Variants in DDX6 observed in about 807,000 individuals in gnomAD.
DDX6 encodes the protein DEAD-box helicase 6.
DDX6 carries 7 observed loss-of-function variants against 60.6 expected under a neutral mutation model. The ratio of observed to expected loss-of-function variants is 0.12; its 90% CI spans 0.07 to 0.22. DDX6 has a LOEUF of 0.22. Ranked by LOEUF, DDX6 falls within the 10% of genes least tolerant of loss-of-function variation. The probability of loss-of-function intolerance (pLI) is 1.00; values close to 1 mark genes in which losing one functional copy is unlikely to be tolerated. For synonymous variants in DDX6, 207 were observed against 201.0 expected (o/e 1.03, Z -0.25); for missense variants, 270 against 589.9 (o/e 0.46, Z 5.62).
rs1357708563 is a variant in DDX6 at position 118,748,129 on chromosome 11, C to T, written c.*3976G>A. The T allele has an allele frequency of 6.6e-6, 1 of 152,096 alleles. No individual in the cohort carries two copies. The highest frequency in any genetic ancestry group is 2.1e-4 in the South Asian group (1 of 4,814). 9.4% of individuals were successfully genotyped at this position (152,096 alleles called of 1,614,324 possible). A position where few individuals can be genotyped will look rare whatever the true frequency, so the allele number is the denominator to read the frequency against. ...TGTTTTCTCCAGGCTCCCCTTCCCA[C>T]ACAACCAATGTAAAATACAGCAGCC... On this transcript the variant is annotated 3_prime_UTR_variant, in exon 14 of 14. Transcript: ENST00000534980.
chr11:118,754,494 C>G, intron 13 of DDX6: 3 of 462,768 alleles, frequency 6.5e-6, no homozygotes, highest in Non-Finnish European at 7.6e-6. Flanking sequence ...TACCACATTA[C>G]CCGGGAAGCT....
At chr11:118,785,539 G>C (rs1310990207) in intron 2 of DDX6, among the ~76,000 whole-genome samples, 2 of 150,622 alleles carry the variant, frequency 1.3e-5, no homozygotes, top group African/African-American at 4.9e-5. Flanking sequence ...AAAAAGCTAA[G>C]TTCCATAAGC....
chr11:118,776,403 C>A (rs529169514), intron 4 of DDX6, among the ~76,000 whole-genome samples: 1 of 152,054 alleles, frequency 6.6e-6, no homozygotes, highest in African/African-American at 2.4e-5. Context: ...TTAATCTGGG[C>A]AGTTCCCTAC....
Position 118,749,757 on chromosome 11 carries a change from C to T in DDX6, c.*2348G>A, listed in dbSNP as rs1432107336. 6.6e-6 allele frequency: 1 copy of T among 152,632 alleles called. No homozygotes were observed. The highest frequency in any genetic ancestry group is 1.5e-5 in the Non-Finnish European group (1 of 68,032). The allele number at this position is 152,632 out of a possible 1,614,324, so 9.5% of individuals were successfully genotyped here. A position where few individuals can be genotyped will look rare whatever the true frequency, so the allele number is the denominator to read the frequency against. ...AAAGAGAGCTGCATCGGTACAAGGG[C>T]ACAATTTTTTTGGTCAAAAGTTGAC... On this transcript the variant is annotated 3_prime_UTR_variant, in exon 14 of 14. Coordinates refer to ENST00000534980, the MANE Select transcript of DDX6 (RefSeq NM_004397.6).
intron 3 of DDX6, among the ~76,000 whole-genome samples, chr11:118,779,953 G>A (rs1555164331): frequency 1.3e-5 from 2 of 151,306 alleles, no homozygotes; most frequent in Non-Finnish European, 2.9e-5. Flanking sequence ...CCAACTCCAC[G>A]AAAAATACAA....
intron 6 of DDX6, among the ~76,000 whole-genome samples, chr11:118,763,988 G>C (rs1418407381): frequency 6.6e-6 from 1 of 152,036 alleles, no homozygotes; most frequent in Non-Finnish European, 1.5e-5. Flanking sequence ...CTCTACATTG[G>C]GTGGGGTACA....
intron 10 of DDX6, among the ~76,000 whole-genome samples, chr11:118,756,680 G>A (rs1860988967): frequency 6.6e-6 from 1 of 152,192 alleles, no homozygotes; most frequent in African/African-American, 2.4e-5. Flanking sequence ...ATCCAGAGCA[G>A]TGCTGTCCAG....
intron 4 of DDX6, among the ~76,000 whole-genome samples, chr11:118,771,798 T>C (rs374164783): frequency 2.0e-5 from 3 of 152,320 alleles, no homozygotes; most frequent in East Asian, 1.9e-4. Flanking sequence ...GCACATAACA[T>C]GTAGGCAAGA....
At chr11:118,774,916 G>C (rs1555163329) in intron 4 of DDX6, among the ~76,000 whole-genome samples, 1 of 152,156 alleles carries the variant, frequency 6.6e-6, no homozygotes, top group African/African-American at 2.4e-5. Flanking sequence ...AAAATAAAAC[G>C]AGAAGGTAGA....
chr11:118,786,172 G>T lies in DDX6; in HGVS notation c.80C>A (p.Pro27His), dbSNP rs992449697. The T allele has an allele frequency of 6.2e-6, 10 of 1,613,974 alleles. No homozygotes were observed. The highest frequency in any genetic ancestry group is 8.5e-6 in the Non-Finnish European group (10 of 1,179,886). Residue 27 changes from proline (P) to histidine (H), a missense_variant, in exon 2 of 14, where the codon CCC (proline) becomes CAC (histidine). Physicochemically the swap from Pro to His is moderately conservative, Grantham distance 77. Coordinates refer to ENST00000534980, the MANE Select transcript of DDX6 (RefSeq NM_004397.6). ...QNGQLRGPVK[P>H]TGGPGGGGTQ... ...GCCCCCTCCTCCAGGGCCACCAGTG[G>T]GTTTCACAGGGCCTCTCAGCTGACC...
chr11:118,786,310 C>G lies in DDX6; in HGVS notation c.-59G>C. On this transcript the variant is annotated 5_prime_UTR_variant, in exon 2 of 14. Coordinates refer to ENST00000534980, the MANE Select transcript of DDX6 (RefSeq NM_004397.6). ...AAACTTTTGAAAGTCAGTAGAGAAA[C>G]TGTAATAACAGTTTATTAGGCTCTC... 6.9e-7 allele frequency: 1 copy of G among 1,450,114 alleles called. No individual in the cohort carries two copies. Among genetic ancestry groups the G allele is most frequent in the Non-Finnish European group, 9.4e-7 (1 of 1,061,830 alleles). The allele number at this position is 1,450,114 out of a possible 1,614,324, so 89.8% of individuals were successfully genotyped here.
rs572175326 is a variant in DDX6, at chr11:118,767,985, A to C, written c.499+238T>G. On this transcript the variant is annotated intron_variant, in intron 5 of 13. Transcript: ENST00000534980. ...ATACTTATTTTTCCTGTCTCACTGG[A>C]ATGCTGTCACAAGTGTGTATCATAT... 7.4e-4 allele frequency: 290 copies of C among 391,222 alleles called. 4 individuals are homozygous for C. Among genetic ancestry groups the C allele is most frequent in the African/African-American group, 5.0e-3 (239 of 48,250 alleles). The allele number at this position is 391,222 out of a possible 1,614,324, so 24.2% of individuals were successfully genotyped here. A position where few individuals can be genotyped will look rare whatever the true frequency, so the allele number is the denominator to read the frequency against.
At chr11:118,760,822 T>C (rs1591892240) in intron 7 of DDX6, among the ~76,000 whole-genome samples, 1 of 56,064 alleles carries the variant, frequency 1.8e-5, no homozygotes. Context: ...CTACTCCGTC[T>C]CAAAAAAAAA....
intron 1 of DDX6, chr11:118,787,074 G>A (rs1862098654): frequency 6.6e-6 from 1 of 152,112 alleles, no homozygotes; most frequent in African/African-American, 2.4e-5. Flanking sequence ...TGGTGGCTCA[G>A]GCCTGTAATC....
At chr11:118,785,481 C>T (rs934743478) in intron 2 of DDX6, among the ~76,000 whole-genome samples, 4 of 151,432 alleles carry the variant, frequency 2.6e-5, no homozygotes, top group Non-Finnish European at 4.4e-5. Context: ...ACAGGGATTA[C>T]AGGCATGAGT....
chr11:118,765,558 T>C (rs1267367146), intron 5 of DDX6, among the ~76,000 whole-genome samples: 3 of 152,116 alleles, frequency 2.0e-5, no homozygotes, highest in African/African-American at 7.2e-5. Context: ...GCAGATCACC[T>C]GAGGTCAGGA....
rs555375969 is a variant in DDX6, at chr11:118,777,426, G to A, written c.369+2206C>T. Reference sequence around the variant, plus strand: ...TGTGTGTGTGGATATGTATATACATGCATTTATTTCCTTGCTCTTTCCACT... The same window carrying A: ...TGTGTGTGTGGATATGTATATACATACATTTATTTCCTTGCTCTTTCCACT... On this transcript the variant is annotated intron_variant, in intron 4 of 13. Transcript: ENST00000534980. Among the ~76,000 whole-genome samples the A allele has an allele frequency of 5.9e-5, 9 of 152,246 alleles. No homozygotes were observed. In the South Asian group the frequency reaches 1.9e-3, roughly 32 times the overall value.
chr11:118,778,134 G>A (rs1861768137), intron 4 of DDX6, among the ~76,000 whole-genome samples: 1 of 152,014 alleles, frequency 6.6e-6, no homozygotes, highest in African/African-American at 2.4e-5. Context: ...AAATACAGAG[G>A]GAGTGCTAGA....
At chr11:118,773,609 T>C (rs564718567) in intron 4 of DDX6, among the ~76,000 whole-genome samples, 2 of 151,870 alleles carry the variant, frequency 1.3e-5, no homozygotes, top group African/African-American at 4.8e-5. Flanking sequence ...CAACCTATGG[T>C]TACTCCAGAC....
Sources: gnomAD v4.1 joint callset for allele counts (sites outside exome capture counted in the v4.1 genomes callset) on GRCh38, gnomAD v4.1.1 for gene constraint, MANE v1.5 for transcripts, NCBI Gene and HGNC (gene_info 2026-07-23, HGNC 2026-07-21) for gene names.